The following STXBP5L variants were observed in gnomAD, a reference collection of about 807,000 sequenced individuals.
STXBP5L encodes syntaxin binding protein 5L.
A neutral mutation model predicts 144.5 loss-of-function variants in STXBP5L; 65 were observed. That is an observed-to-expected ratio of 0.45 (90% confidence interval 0.37 to 0.55). STXBP5L has a LOEUF of 0.55. Ranked by LOEUF, STXBP5L falls within the 20% of genes least tolerant of loss-of-function variation. STXBP5L has a pLI of 0.00. For missense variants in STXBP5L, 1,298 were observed against 1,405.5 expected (o/e 0.92, Z 1.22); for synonymous variants, 505 against 469.6 (o/e 1.08, Z -0.97).
chr3:120,941,041 A>C (rs1409220523), intron 2 of STXBP5L, among the ~76,000 whole-genome samples: 1 of 151,892 alleles, frequency 6.6e-6, no homozygotes, highest in Non-Finnish European at 1.5e-5. Context: ...AAGTTTAAGT[A>C]CTATAAATTT....
intron 3 of STXBP5L, among the ~76,000 whole-genome samples, chr3:120,978,488 G>C (rs552717618): frequency 6.6e-6 from 1 of 152,108 alleles, no homozygotes; most frequent in African/African-American, 2.4e-5. Context: ...CCTTTGGTTT[G>C]AATTTCCTCC....
chr3:121,188,506 A>AAT (rs1163600733), intron 9 of STXBP5L, among the ~76,000 whole-genome samples: 2 of 151,860 alleles, frequency 1.3e-5, no homozygotes, highest in Admixed American at 1.3e-4. Flanking sequence ...CAGCAAAAAA[A>AAT]AAAAAGACTT....
chr3:120,966,318 C>T (rs139638640), intron 3 of STXBP5L, among the ~76,000 whole-genome samples: 26 of 152,296 alleles, frequency 1.7e-4, no homozygotes, highest in Admixed American at 4.6e-4. Context: ...AGCTTTGTTC[C>T]GTTGCTGGCG....
At chr3:121,058,376 T>C (rs1239797895) in intron 5 of STXBP5L, among the ~76,000 whole-genome samples, 2 of 152,230 alleles carry the variant, frequency 1.3e-5, no homozygotes, top group Non-Finnish European at 2.9e-5. Flanking sequence ...AGTCTATCAC[T>C]GATGGGCATT....
At chr3:121,209,943 AT>A (rs1386826738) in intron 10 of STXBP5L, among the ~76,000 whole-genome samples, 1 of 152,218 alleles carries the variant, frequency 6.6e-6, no homozygotes. Flanking sequence ...CTTTGGGTAT[AT>A]ACCCAATAAT....
chr3:121,270,148 T>C (rs1229125947), intron 18 of STXBP5L, among the ~76,000 whole-genome samples: 1 of 152,032 alleles, frequency 6.6e-6, no homozygotes, highest in Admixed American at 6.6e-5. Context: ...AGGGTTTTGC[T>C]CTGAACTTGG....
chr3:121,348,645 G>C (rs535727964), intron 20 of STXBP5L, among the ~76,000 whole-genome samples: 2 of 152,076 alleles, frequency 1.3e-5, no homozygotes, highest in East Asian at 1.9e-4. Flanking sequence ...GCCTGTTATT[G>C]GTCTATTCAG....
At chr3:121,345,548 G>T (rs1176589241) in intron 20 of STXBP5L, among the ~76,000 whole-genome samples, 2 of 152,012 alleles carry the variant, frequency 1.3e-5, no homozygotes, top group Non-Finnish European at 2.9e-5. Flanking sequence ...TGGGTCAAAT[G>T]GTATTTCTAG....
chr3:121,098,018 G>A (rs2043219591), intron 5 of STXBP5L, among the ~76,000 whole-genome samples: 1 of 151,980 alleles, frequency 6.6e-6, no homozygotes, highest in South Asian at 2.1e-4. Context: ...TACTTTAGCA[G>A]TTGATGTTTT....
intron 6 of STXBP5L, 125 bp from the exon 7 acceptor site, chr3:121,121,516 T>A (rs2044462814): frequency 1.7e-6 from 1 of 588,098 alleles, no homozygotes; most frequent in South Asian, 3.9e-5. Context: ...CTTAAGTGAA[T>A]CTGAGCTTAA....
At position 121,041,723 on chromosome 3, in the gene STXBP5L, G is replaced by C. The variant is rs1947172082; in HGVS notation, c.311G>C (p.Cys104Ser). ...IRILGRPGVDCYCQHESGAAV... is the reference protein window; with the variant it reads ...IRILGRPGVDSYCQHESGAAV... Reference sequence around the variant, plus strand: ...AGACTCGGGAGACCTGGTGTTGATTGCTATTGCCAACATGAAAGTGGTGCA... The same window carrying C: ...AGACTCGGGAGACCTGGTGTTGATTCCTATTGCCAACATGAAAGTGGTGCA... The change falls in exon 4 of 27, where the codon TGC becomes TCC. Residue 104 changes from cysteine to serine, a missense_variant. Transcript: ENST00000471454. 1 of 1,612,402 alleles carries C rather than the reference G, an allele frequency of 6.2e-7. No homozygotes were observed. The highest frequency in any genetic ancestry group is 1.3e-5 in the African/African-American group (1 of 74,838).
chr3:120,909,563 C>A lies in STXBP5L; in HGVS notation c.-8-8C>A, dbSNP rs750235259. On this transcript the variant is annotated splice_region_variant and splice_polypyrimidine_tract_variant and intron_variant, in intron 1 of 26. Coordinates refer to ENST00000471454, the MANE Select transcript of STXBP5L (RefSeq NM_001308330.2). ...CTTTCCCTTTTTTTCCTTTGTATTT[C>A]TCAACAGTGTTTAAAATGAAGAAGT... is the stretch of plus-strand genomic sequence containing the variant. 7 of 1,609,158 alleles carry A rather than the reference C, an allele frequency of 4.4e-6. No individual in the cohort carries two copies. The South Asian group carries it at 6.7e-5, about 15-fold the overall frequency.
intron 5 of STXBP5L, among the ~76,000 whole-genome samples, chr3:121,094,853 G>C (rs1195771985): frequency 6.6e-6 from 1 of 151,998 alleles, no homozygotes; most frequent in Non-Finnish European, 1.5e-5. Flanking sequence ...AGTTGATGCA[G>C]TTTCTTCCTA....
chr3:121,099,787 C>T (rs2107775105), intron 5 of STXBP5L: 1 of 152,182 alleles, frequency 6.6e-6, no homozygotes, highest in East Asian at 1.9e-4. Context: ...TAAAAATGCC[C>T]CACTTAAAAG....
intron 5 of STXBP5L, among the ~76,000 whole-genome samples, chr3:121,112,925 TTATC>T (rs1376923473): frequency 6.6e-6 from 1 of 152,170 alleles, no homozygotes; most frequent in South Asian, 2.1e-4. Context: ...ATCTTTTCCT[TTATC>T]TATGGCAATC....
At chr3:121,343,188 G>A (rs1378145249) in intron 20 of STXBP5L, among the ~76,000 whole-genome samples, 8 of 152,088 alleles carry the variant, frequency 5.3e-5, no homozygotes, top group African/African-American at 1.9e-4. Flanking sequence ...ACTTTTTGAT[G>A]GGGTTGTTTT....
intron 7 of STXBP5L, among the ~76,000 whole-genome samples, chr3:121,152,067 G>T (rs2045952904): frequency 6.6e-6 from 1 of 151,920 alleles, no homozygotes; most frequent in Non-Finnish European, 1.5e-5. Context: ...AATAGGATTT[G>T]GTAGAAGAAA....
At chr3:121,036,283 A>T (rs186686184) in intron 3 of STXBP5L, among the ~76,000 whole-genome samples, 1 of 152,222 alleles carries the variant, frequency 6.6e-6, no homozygotes, top group African/African-American at 2.4e-5. Context: ...CAGTGAGCTG[A>T]TATTGAGCCA....
At chr3:121,372,703 G>T (rs1319155847) in intron 20 of STXBP5L, among the ~76,000 whole-genome samples, 1 of 151,812 alleles carries the variant, frequency 6.6e-6, no homozygotes, top group Non-Finnish European at 1.5e-5. Context: ...TCCCTCTGAA[G>T]ATCTGATAGG....
Sources: allele counts gnomAD v4.1 joint callset (sites outside exome capture counted in the v4.1 genomes callset), GRCh38; gene constraint gnomAD v4.1.1; transcripts MANE v1.5; gene names NCBI Gene and HGNC (gene_info 2026-07-23, HGNC 2026-07-21).